The following PTPN22 variants were observed in gnomAD, a reference collection of about 807,000 sequenced individuals.
PTPN22 encodes protein tyrosine phosphatase non-receptor type 22.
Under a neutral mutation model 103.3 loss-of-function variants are expected in PTPN22, and 85 were observed. The observed-to-expected ratio is 0.82, with a 90% CI of 0.69 to 0.99. PTPN22 has a LOEUF of 0.99. PTPN22 is among the 50% of genes least tolerant of loss of function. The pLI is 0.00. For synonymous variants in PTPN22, 323 were observed against 310.2 expected, an observed-to-expected ratio of 1.04 and a Z score of -0.43; for missense variants, 865 against 936.9, an observed-to-expected ratio of 0.92 and a Z score of 1.00.
intron 19 of PTPN22, 111 bp from the exon 20 acceptor site, chr1:113,819,765 T>A (rs1329021892): frequency 3.4e-6 from 2 of 581,860 alleles, no homozygotes; most frequent in Non-Finnish European, 5.4e-6. Flanking sequence ...AATAAACATA[T>A]CACTGTCAAA....
chr1:113,828,284 T>C (rs907816735), intron 18 of PTPN22, among the ~76,000 whole-genome samples: 10 of 152,206 alleles, frequency 6.6e-5, no homozygotes, highest in African/African-American at 2.2e-4. Flanking sequence ...TCTTTTCTTA[T>C]GGCCTCCGGA....
At chr1:113,868,378 A>C (rs1186759242) in intron 1 of PTPN22, among the ~76,000 whole-genome samples, 1 of 152,166 alleles carries the variant, frequency 6.6e-6, no homozygotes, top group Non-Finnish European at 1.5e-5. Context: ...CGGAAACATA[A>C]AATCCTGGGA....
chr1:113,826,908 A>G (rs997341183), intron 18 of PTPN22, among the ~76,000 whole-genome samples: 1 of 151,560 alleles, frequency 6.6e-6, no homozygotes, highest in African/African-American at 2.4e-5. Context: ...TGACCTCGTG[A>G]TCCGCCCGCC....
rs554532619 is a variant in PTPN22 at position 113,844,066 on chromosome 1, T to G, written c.915+4474A>C. Among the ~76,000 whole-genome samples, 3 of 152,238 alleles carry G rather than the reference T, an allele frequency of 2.0e-5. No homozygotes were observed. In the South Asian group the frequency reaches 6.2e-4, roughly 32 times the overall value. ...GACAACATAGCTCCTATTTCATTCC[T>G]GATATTGGTAATTTTCATTTTCTCC... is the stretch of plus-strand genomic sequence containing the variant. On this transcript the variant is annotated intron_variant, in intron 11 of 20. Transcript: ENST00000359785.
chr1:113,840,231 A>AC (rs1663427364), intron 11 of PTPN22, among the ~76,000 whole-genome samples: 1 of 151,902 alleles, frequency 6.6e-6, no homozygotes, highest in African/African-American at 2.4e-5. Flanking sequence ...CAAAAAAAAA[A>AC]AAAAAATTGG....
exon 18 of PTPN22, chr1:113,829,665 G>C: frequency 6.2e-7 from 1 of 1,607,184 alleles, no homozygotes; most frequent in Non-Finnish European, 8.5e-7. Flanking sequence ...CATGGTGTCA[G>C]GATAGCTAGT....
intron 15 of PTPN22, among the ~76,000 whole-genome samples, chr1:113,834,048 A>G (rs1009863386): frequency 1.3e-5 from 2 of 152,218 alleles, no homozygotes; most frequent in African/African-American, 2.4e-5. Flanking sequence ...TTCATATGAC[A>G]TTGATCACAT....
intron 3 of PTPN22, 124 bp downstream of exon 3, chr1:113,858,878 A>G: frequency 2.1e-6 from 3 of 1,442,454 alleles, no homozygotes; most frequent in Non-Finnish European, 2.8e-6. Context: ...CGTTCAAGTG[A>G]TCTTTCCGCC....
intron 11 of PTPN22, 119 bp from the exon 12 acceptor site, chr1:113,838,739 G>A: frequency 7.1e-7 from 1 of 1,412,520 alleles, no homozygotes; most frequent in African/African-American, 1.4e-5. Context: ...AATAATTCAT[G>A]AAAGAGTTAG....
chr1:113,814,910 T>A (rs755379352), exon 21 of PTPN22: 1 of 1,602,934 alleles, frequency 6.2e-7, no homozygotes, highest in Non-Finnish European at 8.5e-7. Flanking sequence ...TTTTATTAAA[T>A]ATTCCAAGTT....
At chr1:113,859,100 T>C in intron 2 of PTPN22, 22 bp from the exon 3 acceptor site, 1 of 1,611,396 alleles carries the variant, frequency 6.2e-7, no homozygotes, top group African/African-American at 1.3e-5. Context: ...AAGACAGACA[T>C]AGTACAATTA....
chr1:113,853,758 T>G (rs1407873147), intron 9 of PTPN22, among the ~76,000 whole-genome samples: 2 of 151,838 alleles, frequency 1.3e-5, no homozygotes, highest in African/African-American at 4.8e-5. Flanking sequence ...CTCAGCTCAC[T>G]GCAACCTCCG....
At chr1:113,854,933 G>C in exon 8 of PTPN22, 1 of 1,613,398 alleles carries the variant, frequency 6.2e-7, no homozygotes, top group Non-Finnish European at 8.5e-7. Context: ...TGGGAACACT[G>C]TCATCCTCTT....
chr1:113,859,200 A>C, intron 2 of PTPN22, 122 bp from the exon 3 acceptor site: 3 of 1,550,588 alleles, frequency 1.9e-6, no homozygotes, highest in Non-Finnish European at 2.6e-6. Context: ...GAATGAATGA[A>C]TGAATGAATA....
At chr1:113,850,436 TA>T (rs1416890676) in intron 10 of PTPN22, among the ~76,000 whole-genome samples, 1 of 152,208 alleles carries the variant, frequency 6.6e-6, no homozygotes, top group Non-Finnish European at 1.5e-5. Flanking sequence ...TTCCAACTCT[TA>T]AAAGTAGGCC....
chr1:113,814,103 T>G (rs564981210), exon 21 of PTPN22: 1 of 152,422 alleles, frequency 6.6e-6, no homozygotes, highest in South Asian at 2.1e-4. Context: ...TTATGGCAGA[T>G]CCATATTCAT....
chr1:113,829,290 A>T (rs1662350867), intron 18 of PTPN22: 2 of 175,968 alleles, frequency 1.1e-5, no homozygotes, highest in Non-Finnish European at 1.2e-5. Flanking sequence ...TATGTGTGCC[A>T]GTTTGTTATG....
At chr1:113,836,301 G>T (rs866296706) in intron 13 of PTPN22, among the ~76,000 whole-genome samples, 1 of 152,104 alleles carries the variant, frequency 6.6e-6, no homozygotes, top group Admixed American at 6.6e-5. Context: ...CTCTAACAGG[G>T]TGCTCATTTC....
chr1:113,865,192 A>G (rs1666020650), intron 1 of PTPN22, among the ~76,000 whole-genome samples: 1 of 152,270 alleles, frequency 6.6e-6, no homozygotes, highest in African/African-American at 2.4e-5. Context: ...TACTGTGGAA[A>G]GTAGATGAAC....
Sources: gnomAD v4.1 joint callset for allele counts (sites outside exome capture counted in the v4.1 genomes callset) on GRCh38, gnomAD v4.1.1 for gene constraint, MANE v1.5 for transcripts, NCBI Gene and HGNC (gene_info 2026-07-23, HGNC 2026-07-21) for gene names.